COX10: variants seen among roughly 807,000 people sequenced by gnomAD.
COX10 encodes the protein protoheme IX farnesyltransferase, mitochondrial.
In COX10, 27 loss-of-function variants were observed where a neutral mutation model predicts 37.3. The ratio of observed to expected loss-of-function variants is 0.72; its 90% CI spans 0.53 to 1.00. The LOEUF is 1.00. COX10 is among the 50% of genes least tolerant of loss of function. The pLI, the probability that COX10 is intolerant of heterozygous loss-of-function variation, is 0.00. For synonymous variants in COX10, 222 were observed against 229.1 expected (o/e 0.97, Z 0.28); for missense variants, 475 against 563.2 (o/e 0.84, Z 1.59).
At chr17:14,171,872 A>G (rs1905481319) in intron 5 of COX10, among the ~76,000 whole-genome samples, 1 of 151,698 alleles carries the variant, frequency 6.6e-6, no homozygotes, top group Admixed American at 6.6e-5. Context: ...CTTTTTCCTT[A>G]ATACCTTAAT....
At chr17:14,104,918 G>A (rs1915858769) in intron 4 of COX10, among the ~76,000 whole-genome samples, 2 of 152,078 alleles carry the variant, frequency 1.3e-5, no homozygotes, top group Non-Finnish European at 2.9e-5. Flanking sequence ...ATTTGAAACC[G>A]TAGTGTGGCT....
At position 14,207,249 on chromosome 17, in the gene COX10, T is replaced by A; in HGVS notation, c.*36T>A. On this transcript the variant is annotated 3_prime_UTR_variant, in exon 7 of 7. Transcript: ENST00000261643. ...ACGCCCACCGCCCCTTTCCCTCCGC[T>A]GCCAGGCGAGCATGTTGTGGTAATT... 1 of 1,529,768 alleles carries A rather than the reference T, an allele frequency of 6.5e-7. No homozygotes were observed. Among genetic ancestry groups the A allele is most frequent in the Non-Finnish European group, 8.8e-7 (1 of 1,142,454 alleles). The allele number at this position is 1,529,768 out of a possible 1,614,324, so 94.8% of individuals were successfully genotyped here. A position where few individuals can be genotyped will look rare whatever the true frequency, so the allele number is the denominator to read the frequency against.
rs1397955992 is a variant in COX10 at position 14,076,992 on chromosome 17, G to T, written c.435G>T (p.Glu145Asp). Residue 145 changes from glutamate to aspartate, a missense_variant, in exon 3 of 7, where the codon GAG becomes GAT. Transcript: ENST00000261643. Reference sequence around the variant, plus strand: ...CAAAAGAGGAAAAGCGGTGGAAAGAGATGAAGCTGCAAGTGTATGATTTGC... The same window carrying T: ...CAAAAGAGGAAAAGCGGTGGAAAGATATGAAGCTGCAAGTGTATGATTTGC... ...KETKEEKRWK[E>D]MKLQVYDLPG... The T allele has an allele frequency of 1.2e-6, 2 of 1,614,048 alleles. No individual in the cohort carries two copies. Among genetic ancestry groups the T allele is most frequent in the South Asian group, 2.2e-5 (2 of 91,070 alleles).
intron 4 of COX10, among the ~76,000 whole-genome samples, chr17:14,138,946 C>T (rs1904461457): frequency 1.3e-5 from 2 of 152,146 alleles, no homozygotes; most frequent in South Asian, 4.1e-4. Flanking sequence ...TCAAGACAGA[C>T]TGCCTGGGAT....
chr17:14,167,044 A>G (rs954612446), intron 5 of COX10, among the ~76,000 whole-genome samples: 2 of 152,314 alleles, frequency 1.3e-5, no homozygotes, highest in South Asian at 4.1e-4. Flanking sequence ...TCTATATGCC[A>G]TGAAAAACAT....
At chr17:14,132,660 A>G (rs2142220415) in intron 4 of COX10, among the ~76,000 whole-genome samples, 1 of 151,852 alleles carries the variant, frequency 6.6e-6, no homozygotes, top group Non-Finnish European at 1.5e-5. Context: ...CAGAGGATAT[A>G]TTCATAGTTT....
At chr17:14,086,340 A>C (rs1915409169) in intron 3 of COX10, among the ~76,000 whole-genome samples, 1 of 152,084 alleles carries the variant, frequency 6.6e-6, no homozygotes. Flanking sequence ...TAGTTTGGTC[A>C]GTGGTATAAG....
At chr17:14,167,796 G>A (rs999893744) in intron 5 of COX10, among the ~76,000 whole-genome samples, 5 of 152,100 alleles carry the variant, frequency 3.3e-5, no homozygotes, top group Admixed American at 6.6e-5. Context: ...TGATCCAACC[G>A]CCTCCCAGCA....
At chr17:14,204,810 G>A (rs2142271589) in intron 6 of COX10, among the ~76,000 whole-genome samples, 2 of 152,276 alleles carry the variant, frequency 1.3e-5, no homozygotes, top group East Asian at 1.9e-4. Flanking sequence ...TTTTAGAATA[G>A]CAAAGTCAAG....
intron 3 of COX10, among the ~76,000 whole-genome samples, chr17:14,084,940 G>A (rs768446185): frequency 5.3e-5 from 8 of 152,266 alleles, no homozygotes; most frequent in South Asian, 2.1e-4. Flanking sequence ...GATTACAGGC[G>A]TGAGTCACTG....
At chr17:14,173,248 A>C (rs1051750568) in intron 5 of COX10, among the ~76,000 whole-genome samples, 2 of 152,236 alleles carry the variant, frequency 1.3e-5, no homozygotes, top group African/African-American at 4.8e-5. Flanking sequence ...GGATAGATGG[A>C]CAGGTGGATG....
intron 5 of COX10, among the ~76,000 whole-genome samples, chr17:14,184,287 C>T (rs1905958305): frequency 6.6e-6 from 1 of 152,098 alleles, no homozygotes; most frequent in South Asian, 2.1e-4. Context: ...AAATAAGTTA[C>T]CCACTTTTAA....
At chr17:14,072,826 A>G (rs1251013725) in intron 1 of COX10, among the ~76,000 whole-genome samples, 3 of 152,144 alleles carry the variant, frequency 2.0e-5, no homozygotes, top group Non-Finnish European at 4.4e-5. Flanking sequence ...ATCAAACATC[A>G]TTTCCTTATT....
chr17:14,126,068 G>A (rs774399440), intron 4 of COX10, among the ~76,000 whole-genome samples: 2 of 152,210 alleles, frequency 1.3e-5, no homozygotes, highest in African/African-American at 2.4e-5. Context: ...AAAACACTAC[G>A]ATTAATAAGG....
At chr17:14,196,027 A>G (rs1567612803) in intron 6 of COX10, among the ~76,000 whole-genome samples, 1 of 152,138 alleles carries the variant, frequency 6.6e-6, no homozygotes, top group Admixed American at 6.5e-5. Flanking sequence ...ATGTATAGTT[A>G]TAAAGAGCCC....
chr17:14,084,813 A>C (rs796364852), intron 3 of COX10, among the ~76,000 whole-genome samples: 19 of 152,222 alleles, frequency 1.2e-4, no homozygotes, highest in African/African-American at 4.6e-4. Flanking sequence ...GGTGCCTGCC[A>C]CCACGCCAGC....
At chr17:14,203,845 G>T (rs1474597122) in intron 6 of COX10, among the ~76,000 whole-genome samples, 2 of 152,184 alleles carry the variant, frequency 1.3e-5, no homozygotes, top group Admixed American at 6.5e-5. Context: ...ACCTGAAATA[G>T]GACTGTGGTT....
intron 4 of COX10, among the ~76,000 whole-genome samples, chr17:14,145,616 G>C (rs1354110780): frequency 6.6e-6 from 1 of 152,178 alleles, no homozygotes; most frequent in African/African-American, 2.4e-5. Flanking sequence ...GTTATGAAGA[G>C]CTTTGTAAGC....
chr17:14,155,879 C>T (rs1905030778), intron 4 of COX10, among the ~76,000 whole-genome samples: 2 of 152,076 alleles, frequency 1.3e-5, no homozygotes, highest in Non-Finnish European at 2.9e-5. Context: ...CATCTCTTAC[C>T]TGGGCTTCTT....
Sources: allele counts gnomAD v4.1 joint callset (sites outside exome capture counted in the v4.1 genomes callset), GRCh38; gene constraint gnomAD v4.1.1; transcripts MANE v1.5; gene names NCBI Gene and HGNC (gene_info 2026-07-23, HGNC 2026-07-21).